Variants in GOLPH3 observed in about 807,000 individuals in gnomAD.
GOLPH3 encodes coat protein GPP34.
GOLPH3 carries 14 observed loss-of-function variants against 28.5 expected under a neutral mutation model. The ratio of observed to expected loss-of-function variants is 0.49; its 90% CI spans 0.32 to 0.77. GOLPH3 has a LOEUF of 0.77. Among genes scored for constraint, GOLPH3 ranks in the 30% least tolerant of loss-of-function variants. The probability of loss-of-function intolerance (pLI) is 0.03; values close to 1 mark genes in which losing one functional copy is unlikely to be tolerated. For missense variants in GOLPH3, 350 were observed against 393.7 expected (o/e 0.89, Z 0.94); for synonymous variants, 158 against 159.2 (o/e 0.99, Z 0.06).
At chr5:32,129,202 C>T (rs1745769986) in intron 3 of GOLPH3, among the ~76,000 whole-genome samples, 1 of 151,632 alleles carries the variant, frequency 6.6e-6, no homozygotes, top group Admixed American at 6.6e-5. Flanking sequence ...CAAAAAAACC[C>T]CCAAAAAACA....
At chr5:32,150,030 T>C (rs1222195874) in intron 1 of GOLPH3, among the ~76,000 whole-genome samples, 1 of 151,872 alleles carries the variant, frequency 6.6e-6, no homozygotes, top group Non-Finnish European at 1.5e-5. Context: ...GGTGATATTG[T>C]TGGATATTTA....
chr5:32,163,772 A>G (rs913953493), intron 1 of GOLPH3, among the ~76,000 whole-genome samples: 10 of 152,176 alleles, frequency 6.6e-5, no homozygotes, highest in Non-Finnish European at 1.3e-4. Context: ...TAAATACTAA[A>G]TAACCTCTAA....
intron 3 of GOLPH3, among the ~76,000 whole-genome samples, chr5:32,130,254 C>A (rs535545436): frequency 4.1e-4 from 62 of 152,212 alleles, no homozygotes; most frequent in African/African-American, 1.4e-3. Flanking sequence ...TGTTAGGCAG[C>A]CTAAGACACT....
At chr5:32,168,974 A>C (rs1746773075) in intron 1 of GOLPH3, among the ~76,000 whole-genome samples, 1 of 150,826 alleles carries the variant, frequency 6.6e-6, no homozygotes, top group African/African-American at 2.4e-5. Context: ...AAACCAAAAA[A>C]CACAACAACA....
chr5:32,141,596 TCTCCCC>T (rs1426300077), intron 2 of GOLPH3, among the ~76,000 whole-genome samples: 1 of 130,384 alleles, frequency 7.7e-6, no homozygotes, highest in Non-Finnish European at 1.7e-5. Flanking sequence ...TCCCTCTCCC[TCTCCCC>T]ACGGTCTCCC....
intron 1 of GOLPH3, among the ~76,000 whole-genome samples, chr5:32,166,329 A>G (rs1561685703): frequency 6.6e-6 from 1 of 152,204 alleles, no homozygotes; most frequent in Non-Finnish European, 1.5e-5. Flanking sequence ...GAAATAGCCT[A>G]TGTTCTAAAT....
At chr5:32,157,222 G>A (rs950221064) in intron 1 of GOLPH3, among the ~76,000 whole-genome samples, 24 of 152,092 alleles carry the variant, frequency 1.6e-4, no homozygotes, top group African/African-American at 5.8e-4. Context: ...ATCCAACTCG[G>A]AAATTCAATC....
intron 1 of GOLPH3, among the ~76,000 whole-genome samples, chr5:32,165,877 C>T (rs760674541): frequency 3.9e-5 from 6 of 152,190 alleles, no homozygotes; most frequent in Non-Finnish European, 5.9e-5. Context: ...GAAATGTGGA[C>T]TTCGTATCTC....
intron 3 of GOLPH3, 129 bp downstream of exon 3, chr5:32,135,443 A>G (rs1745912034): frequency 1.6e-6 from 1 of 636,004 alleles, no homozygotes. Flanking sequence ...TCTATGACTG[A>G]TAACTTTCAA....
In GOLPH3 at chr5:32,125,997, A is replaced by G. The variant is rs1745668803; in HGVS notation, c.*215T>C. 1 of 499,122 alleles carries G rather than the reference A, an allele frequency of 2.0e-6. No individual in the cohort carries two copies. Among genetic ancestry groups the G allele is most frequent in the African/African-American group, 2.0e-5 (1 of 50,936 alleles). 30.9% of individuals were successfully genotyped at this position (499,122 alleles called of 1,614,324 possible). ...TGGCAACAGGGAATGGAATGCCAAT[A>G]TGGCAGTAAAACTTTTTTTAAAAAC... On this transcript the variant is annotated 3_prime_UTR_variant, in exon 4 of 4. Transcript: ENST00000265070.
chr5:32,126,742 A>C, intron 3 of GOLPH3, 106 bp from the exon 4 acceptor site: 2 of 861,878 alleles, frequency 2.3e-6, no homozygotes, highest in Non-Finnish European at 3.5e-6. Context: ...CAAGAAAAAC[A>C]GAAGAAAATC....
chr5:32,167,274 T>C (rs1746737440), intron 1 of GOLPH3, among the ~76,000 whole-genome samples: 1 of 152,120 alleles, frequency 6.6e-6, no homozygotes, highest in African/African-American at 2.4e-5. Context: ...CAGGTTCAAG[T>C]GATTCTCCTG....
chr5:32,142,104 A>C (rs1746080061), intron 2 of GOLPH3, among the ~76,000 whole-genome samples: 2 of 135,068 alleles, frequency 1.5e-5, no homozygotes, highest in Admixed American at 7.4e-5. Context: ...CTGGCTGCCC[A>C]GTCTGGAAAG....
chr5:32,167,674 G>A (rs779983812), intron 1 of GOLPH3, among the ~76,000 whole-genome samples: 20 of 147,040 alleles, frequency 1.4e-4, no homozygotes, highest in Non-Finnish European at 2.8e-4. Flanking sequence ...AAGCAGACCA[G>A]GCGTGGTGGC....
chr5:32,164,377 A>G (rs1020228891), intron 1 of GOLPH3, among the ~76,000 whole-genome samples: 1 of 151,680 alleles, frequency 6.6e-6, no homozygotes, highest in African/African-American at 2.4e-5. Flanking sequence ...GTGCCTTTTT[A>G]TACATAAGAG....
chr5:32,155,845 T>A (rs766697862), intron 1 of GOLPH3, among the ~76,000 whole-genome samples: 86 of 150,834 alleles, frequency 5.7e-4, no homozygotes, highest in Non-Finnish European at 1.1e-3. Context: ...TAATCCCAGC[T>A]ACTTGGGAGG....
chr5:32,167,981 T>C (rs1746752899), intron 1 of GOLPH3, among the ~76,000 whole-genome samples: 1 of 152,066 alleles, frequency 6.6e-6, no homozygotes, highest in East Asian at 1.9e-4. Flanking sequence ...ATCAAATAGT[T>C]TAATGAACTT....
rs1429276868 is a variant in GOLPH3, at chr5:32,141,888, T to C, written c.357+1861A>G. On this transcript the variant is annotated intron_variant, in intron 2 of 3. Transcript: ENST00000265070. Reference sequence around the variant, plus strand: ...CGAGGTGCCGGGATTGCAGACGGAGTCTCGTTCACTCAGTGCTCAAAATGG... The same window carrying C: ...CGAGGTGCCGGGATTGCAGACGGAGCCTCGTTCACTCAGTGCTCAAAATGG... Among the ~76,000 whole-genome samples the C allele has an allele frequency of 6.4e-5, 6 of 93,990 alleles. No homozygotes were observed. The East Asian group carries it at 1.4e-3, about 22-fold the overall frequency. The allele number at this position is 93,990 out of a possible 152,430, so 61.7% of individuals were successfully genotyped here.
At chr5:32,150,819 C>T (rs919598002) in intron 1 of GOLPH3, among the ~76,000 whole-genome samples, 3 of 152,052 alleles carry the variant, frequency 2.0e-5, no homozygotes, top group Non-Finnish European at 4.4e-5. Flanking sequence ...TTCAGATTTT[C>T]GAAATTGGGA....
Sources: allele counts gnomAD v4.1 joint callset (sites outside exome capture counted in the v4.1 genomes callset), GRCh38; gene constraint gnomAD v4.1.1; transcripts MANE v1.5; gene names NCBI Gene and HGNC (gene_info 2026-07-23, HGNC 2026-07-21).